Variants in SOX5 observed in about 807,000 individuals in gnomAD.
SOX5 encodes the protein SRY-box transcription factor 5, also known as transcription factor SOX-5.
SOX5 carries 9 observed loss-of-function variants against 92.0 expected under a neutral mutation model. The observed-to-expected ratio is 0.10, with a 90% confidence interval of 0.06 to 0.17. The LOEUF is 0.17. SOX5 is among the 10% of genes least tolerant of loss of function. The probability of loss-of-function intolerance (pLI) is 1.00; values close to 1 mark genes in which losing one functional copy is unlikely to be tolerated. For missense variants in SOX5, 642 were observed against 944.5 expected (o/e 0.68, Z 4.20); for synonymous variants, 344 against 336.3 (o/e 1.02, Z -0.25).
chr12:24,519,110 C>G (rs921972491), intron 1 of SOX5, among the ~76,000 whole-genome samples: 1 of 152,040 alleles, frequency 6.6e-6, no homozygotes, highest in African/African-American at 2.4e-5. Context: ...CATCCTAAAA[C>G]CCTAGAAATA....
chr12:24,331,372 A>T (rs1485959316), intron 2 of SOX5: 1 of 152,228 alleles, frequency 6.6e-6, no homozygotes, highest in African/African-American at 2.4e-5. Context: ...GGGCAGCCGT[A>T]GAGTACGTAA....
At chr12:24,031,905 G>GA (rs941168877) in intron 4 of SOX5, among the ~76,000 whole-genome samples, 7 of 151,574 alleles carry the variant, frequency 4.6e-5, no homozygotes, top group South Asian at 2.1e-4. Context: ...AATGGAAATA[G>GA]AAAAAAAATT....
At chr12:23,805,072 A>T (rs1408127005) in intron 3 of SOX5, among the ~76,000 whole-genome samples, 9 of 150,282 alleles carry the variant, frequency 6.0e-5, no homozygotes, top group South Asian at 2.1e-4. Context: ...ACGTTTTTTT[A>T]AAAAAATCTG....
chr12:24,384,477 T>C (rs1187968734), intron 1 of SOX5, among the ~76,000 whole-genome samples: 1 of 152,136 alleles, frequency 6.6e-6, no homozygotes, highest in Non-Finnish European at 1.5e-5. Context: ...TGCTGGCAAT[T>C]TGGATATGCA....
chr12:24,025,110 T>C (rs1354698740), intron 4 of SOX5, among the ~76,000 whole-genome samples: 1 of 151,970 alleles, frequency 6.6e-6, no homozygotes, highest in African/African-American at 2.4e-5. Context: ...AAACTGACGA[T>C]GCTATTTTTA....
chr12:24,332,253 G>A (rs1290719967), intron 2 of SOX5, among the ~76,000 whole-genome samples: 1 of 152,200 alleles, frequency 6.6e-6, no homozygotes, highest in Non-Finnish European at 1.5e-5. Context: ...AAAGGAACAT[G>A]AATTAGCCTA....
At position 23,563,349 on chromosome 12, in the gene SOX5, A is replaced by G. The variant is rs1041804658; in HGVS notation, c.1397T>C (p.Met466Thr). ...VTKAIQEARQ[M>T]KEQLRREQQV... ...TTGTTCCCGTCGGAGTTGCTCCTTC[A>G]TTTGCCGAGCTTCTTGGATTGCCTT... The change falls in exon 11 of 15, where the codon ATG becomes ACG. Residue 466 changes from methionine to threonine, a missense_variant. Around this residue, in one of 8 missense-constraint regions of SOX5, gnomAD observed 324 missense variants for 461.6 expected, o/e 0.70. Coordinates refer to ENST00000451604, the MANE Select transcript of SOX5 (RefSeq NM_006940.6). The G allele has an allele frequency of 5.0e-6, 8 of 1,613,998 alleles. No individual in the cohort carries two copies. The highest frequency in any genetic ancestry group is 6.8e-6 in the Non-Finnish European group (8 of 1,179,928).
chr12:23,574,256 A>C (rs1948792637), intron 10 of SOX5, among the ~76,000 whole-genome samples: 1 of 152,098 alleles, frequency 6.6e-6, no homozygotes, highest in South Asian at 2.1e-4. Context: ...ATCATGGAAT[A>C]ATTTCCATAT....
At chr12:23,743,764 G>A (rs1458860059) in intron 4 of SOX5, among the ~76,000 whole-genome samples, 8 of 152,092 alleles carry the variant, frequency 5.3e-5, no homozygotes, top group Non-Finnish European at 1.0e-4. Context: ...CTCTGCATAG[G>A]TGGGTTTCAC....
chr12:23,599,956 C>A (rs1256046180), intron 9 of SOX5, among the ~76,000 whole-genome samples: 1 of 152,140 alleles, frequency 6.6e-6, no homozygotes, highest in Admixed American at 6.6e-5. Context: ...TGTGGAAATT[C>A]ATTTGAATAA....
At chr12:23,938,442 A>G (rs1943022261) in intron 1 of SOX5, among the ~76,000 whole-genome samples, 1 of 151,028 alleles carries the variant, frequency 6.6e-6, no homozygotes, top group East Asian at 1.9e-4. Context: ...TAGTTTTCAA[A>G]ATGTTTGTAC....
At chr12:23,840,046 C>CT (rs1209942011) in intron 3 of SOX5, among the ~76,000 whole-genome samples, 2 of 149,968 alleles carry the variant, frequency 1.3e-5, no homozygotes, top group Non-Finnish European at 3.0e-5. Context: ...GTACAACTGT[C>CT]TTTGTTTGCA....
At chr12:23,935,670 T>C (rs999723061) in intron 1 of SOX5, among the ~76,000 whole-genome samples, 1 of 151,152 alleles carries the variant, frequency 6.6e-6, no homozygotes, top group Admixed American at 6.6e-5. Context: ...TATCACCTTG[T>C]GCAATGAATG....
chr12:23,719,574 C>A (rs995193675), intron 6 of SOX5, among the ~76,000 whole-genome samples: 7 of 151,792 alleles, frequency 4.6e-5, no homozygotes, highest in Admixed American at 4.6e-4. Flanking sequence ...AGGGAGGGTC[C>A]CCCCATCTCT....
chr12:23,843,168 G>A (rs1350652969), intron 3 of SOX5, among the ~76,000 whole-genome samples: 1 of 151,798 alleles, frequency 6.6e-6, no homozygotes, highest in African/African-American at 2.4e-5. Flanking sequence ...AACTCTGAAG[G>A]TCATGAAAAA....
chr12:23,769,650 A>C (rs543892368), intron 3 of SOX5, among the ~76,000 whole-genome samples: 24 of 152,316 alleles, frequency 1.6e-4, no homozygotes, highest in Non-Finnish European at 1.6e-4. Flanking sequence ...TTAAGATGAT[A>C]AGATATATGT....
At chr12:23,951,851 T>C (rs1595875357), upstream of SOX5, among the ~76,000 whole-genome samples, 2 of 152,316 alleles carry the variant, frequency 1.3e-5, no homozygotes, top group South Asian at 4.1e-4. Flanking sequence ...CTCACTATTC[T>C]TTCTTGTTGT....
intron 3 of SOX5, among the ~76,000 whole-genome samples, chr12:23,775,154 T>G (rs937649948): frequency 6.6e-6 from 1 of 152,206 alleles, no homozygotes. Flanking sequence ...TATTGTATAT[T>G]TTGGAGCTAT....
At chr12:23,750,185 T>A (rs368478866) in intron 4 of SOX5, among the ~76,000 whole-genome samples, 1 of 152,042 alleles carries the variant, frequency 6.6e-6, no homozygotes, top group East Asian at 1.9e-4. Flanking sequence ...AAATTTTGAC[T>A]CTGCCACAAC....
Sources: allele counts gnomAD v4.1 joint callset (sites outside exome capture counted in the v4.1 genomes callset), GRCh38; gene constraint gnomAD v4.1.1; regional missense constraint gnomAD v4.1.1; transcripts MANE v1.5; gene names NCBI Gene and HGNC (gene_info 2026-07-23, HGNC 2026-07-21).